The following OXR1 variants were observed in gnomAD, a reference collection of about 807,000 sequenced individuals.
The protein encoded by OXR1 is oxidation resistance 1, also known as oxidation resistance protein 1.
In OXR1, 41 loss-of-function variants were observed where a neutral mutation model predicts 104.6. The ratio of observed to expected loss-of-function variants is 0.39; its 90% CI spans 0.31 to 0.51. The LOEUF is 0.51. Among genes scored for constraint, OXR1 ranks in the 20% least tolerant of loss-of-function variants. The pLI is 0.77. For synonymous variants in OXR1, 348 were observed against 348.4 expected (o/e 1.00, Z 0.01); for missense variants, 955 against 1,031.9 (o/e 0.93, Z 1.02).
At chr8:106,357,901 G>C (rs74639132) in intron 1 of OXR1, among the ~76,000 whole-genome samples, 9 of 152,060 alleles carry the variant, frequency 5.9e-5, no homozygotes, top group African/African-American at 2.2e-4. Context: ...GGTGGCAGAC[G>C]CTGCTAGTTT....
intron 2 of OXR1, among the ~76,000 whole-genome samples, chr8:106,372,352 T>G (rs1816745483): frequency 6.6e-6 from 1 of 152,106 alleles, no homozygotes; most frequent in Non-Finnish European, 1.5e-5. Flanking sequence ...TAATCAATTT[T>G]GATGAGAGAA....
chr8:106,722,922 G>A (rs999906636), intron 11 of OXR1, among the ~76,000 whole-genome samples: 4 of 152,086 alleles, frequency 2.6e-5, no homozygotes, highest in African/African-American at 7.2e-5. Flanking sequence ...TGCCTAATAT[G>A]GTCTGTTTTG....
At chr8:106,626,576 G>T in intron 3 of OXR1, among the ~76,000 whole-genome samples, 1 of 142,510 alleles carries the variant, frequency 7.0e-6, no homozygotes, top group Non-Finnish European at 1.5e-5. Context: ...TACCTTAAAA[G>T]TAGCTCATTT....
chr8:106,465,578 G>A (rs1821128629), intron 2 of OXR1, among the ~76,000 whole-genome samples: 1 of 151,934 alleles, frequency 6.6e-6, no homozygotes, highest in Non-Finnish European at 1.5e-5. Context: ...AGTAATGGTA[G>A]TGGGAGGATG....
At chr8:106,626,006 T>G (rs1175070390) in intron 3 of OXR1, among the ~76,000 whole-genome samples, 1 of 151,408 alleles carries the variant, frequency 6.6e-6, no homozygotes, top group Non-Finnish European at 1.5e-5. Context: ...TAAAAAATAT[T>G]TTCTATCAAG....
intron 1 of OXR1, among the ~76,000 whole-genome samples, chr8:106,339,517 AAAAT>A (rs1317829696): frequency 1.5e-3 from 43 of 29,280 alleles, no homozygotes; most frequent in South Asian, 4.4e-3. Flanking sequence ...AAAAAAAAAA[AAAAT>A]ATATATATAT....
chr8:106,515,104 G>A (rs551957212), intron 2 of OXR1, among the ~76,000 whole-genome samples: 3 of 152,118 alleles, frequency 2.0e-5, no homozygotes, highest in Non-Finnish European at 4.4e-5. Context: ...CTTGGCGTGT[G>A]TAAGTGTGCT....
intron 10 of OXR1, among the ~76,000 whole-genome samples, chr8:106,711,239 TTCA>T (rs3048725): frequency 0.12 from 18,639 of 152,094 alleles, 1,421 homozygotes; most frequent in East Asian, 0.33. Context: ...AATTAGATTT[TTCA>T]TCATAAGTTT....
chr8:106,328,582 T>C (rs1054608026), intron 1 of OXR1, among the ~76,000 whole-genome samples: 11 of 152,188 alleles, frequency 7.2e-5, no homozygotes, highest in Non-Finnish European at 1.3e-4. Flanking sequence ...TGGAAGCTGG[T>C]TGTTTGGGGT....
chr8:106,641,821 T>C (rs1586950192), intron 3 of OXR1, among the ~76,000 whole-genome samples: 1 of 152,144 alleles, frequency 6.6e-6, no homozygotes, highest in African/African-American at 2.4e-5. Flanking sequence ...AGTGAGGTTA[T>C]ATAAGCACCA....
At chr8:106,543,438 A>C (rs1275329681) in intron 3 of OXR1, among the ~76,000 whole-genome samples, 1 of 152,068 alleles carries the variant, frequency 6.6e-6, no homozygotes, top group African/African-American at 2.4e-5. Context: ...CTTAACCACA[A>C]CTGGTATGGT....
intron 3 of OXR1, among the ~76,000 whole-genome samples, chr8:106,602,309 G>A (rs565977247): frequency 2.0e-5 from 3 of 152,348 alleles, no homozygotes; most frequent in African/African-American, 7.2e-5. Flanking sequence ...ACTGACTGGA[G>A]AGGGACAAGA....
At chr8:106,618,204 A>C (rs1321665856) in intron 3 of OXR1, 1 of 1,525,742 alleles carries the variant, frequency 6.6e-7, no homozygotes, top group South Asian at 1.2e-5. Context: ...GTGCTCTCTT[A>C]GTGGCTTTAA....
chr8:106,583,861 G>T (rs1818431623), intron 3 of OXR1, among the ~76,000 whole-genome samples: 1 of 152,140 alleles, frequency 6.6e-6, no homozygotes, highest in Admixed American at 6.5e-5. Context: ...ATCAGAGCAT[G>T]CTACAGTCAA....
At chr8:106,337,983 G>A (rs1199459731) in intron 1 of OXR1, among the ~76,000 whole-genome samples, 2 of 152,150 alleles carry the variant, frequency 1.3e-5, no homozygotes, top group Non-Finnish European at 2.9e-5. Flanking sequence ...AAAACTCAGA[G>A]CATTCATTGT....
At chr8:106,305,883 T>C (rs1355950515) in intron 1 of OXR1, among the ~76,000 whole-genome samples, 1 of 152,180 alleles carries the variant, frequency 6.6e-6, no homozygotes, top group Non-Finnish European at 1.5e-5. Flanking sequence ...GCCACAGTTT[T>C]ATACTAGAGA....
chr8:106,274,130 G>A (rs923245197), intron 1 of OXR1, among the ~76,000 whole-genome samples: 12 of 152,170 alleles, frequency 7.9e-5, no homozygotes, highest in Non-Finnish European at 1.6e-4. Context: ...ACATAGAAAG[G>A]TAAGAATGTC....
chr8:106,689,446 C>T (rs184756278), intron 6 of OXR1, among the ~76,000 whole-genome samples: 2 of 152,112 alleles, frequency 1.3e-5, no homozygotes, highest in Admixed American at 1.3e-4. Context: ...AGGTCACATT[C>T]TGAGATACTG....
chr8:106,692,663 A>G (rs1050107557), intron 6 of OXR1, 65 bp from the exon 7 acceptor site: 2 of 994,766 alleles, frequency 2.0e-6, no homozygotes, highest in African/African-American at 3.3e-5. Context: ...TGACTTTTTA[A>G]TAGTGTGCTC....
Sources: gnomAD v4.1 joint callset for allele counts (sites outside exome capture counted in the v4.1 genomes callset) on GRCh38, gnomAD v4.1.1 for gene constraint, MANE v1.5 for transcripts, NCBI Gene and HGNC (gene_info 2026-07-23, HGNC 2026-07-21) for gene names.